Variants in ZNF618 observed in about 807,000 individuals in gnomAD.
The protein encoded by ZNF618 is zinc finger protein 618, also known as neural precursor cell expressed, developmentally down-regulated 10.
Under a neutral mutation model 103.0 loss-of-function variants are expected in ZNF618, and 34 were observed. That is an observed-to-expected ratio of 0.33 (90% CI 0.25 to 0.44). ZNF618 has a LOEUF of 0.44. Ranked by LOEUF, ZNF618 falls within the 20% of genes least tolerant of loss-of-function variation. ZNF618 has a pLI of 1.00. For synonymous variants in ZNF618, 551 were observed against 542.2 expected (o/e 1.02, Z -0.23); for missense variants, 1,059 against 1,295.4 (o/e 0.82, Z 2.80).
chr9:113,983,491 G>A (rs1405441957), intron 2 of ZNF618, among the ~76,000 whole-genome samples: 1 of 152,196 alleles, frequency 6.6e-6, no homozygotes, highest in Non-Finnish European at 1.5e-5. Context: ...TGTTGTGCCC[G>A]TGGGTGATAG....
chr9:113,980,007 G>A (rs191791601), intron 2 of ZNF618, among the ~76,000 whole-genome samples: 188 of 152,244 alleles, frequency 1.2e-3, no homozygotes, highest in African/African-American at 4.0e-3. Context: ...CTGAAGTGGT[G>A]GTCGTGGTAT....
intron 10 of ZNF618, among the ~76,000 whole-genome samples, chr9:114,022,067 C>CATATGTTCATTGTACATGTACAATGTAA (rs1564310080): frequency 6.6e-6 from 1 of 152,026 alleles, no homozygotes; most frequent in Middle Eastern, 3.2e-3. Context: ...CATTTGTGTA[C>CATATGTTCATTGTACATGTACAATGTAA]AAGCCTTTGT....
Position 114,054,933 on chromosome 9 carries a change from T to G in ZNF618, c.*4766T>G, listed in dbSNP as rs1429160683. The G allele has an allele frequency of 7.7e-6, 1 of 130,462 alleles. No homozygotes were observed. The highest frequency in any genetic ancestry group is 1.6e-5 in the Non-Finnish European group (1 of 61,414). 8.1% of individuals were successfully genotyped at this position (130,462 alleles called of 1,614,324 possible). On this transcript the variant is annotated 3_prime_UTR_variant, in exon 15 of 15. Coordinates refer to ENST00000374126, the MANE Select transcript of ZNF618 (RefSeq NM_001318042.2). Reference sequence around the variant, plus strand: ...TTTGACATATTCATGCCCCGTCCCTTCCCCCCCCACCCCCCCGCCCACCCA... The same window carrying G: ...TTTGACATATTCATGCCCCGTCCCTGCCCCCCCCACCCCCCCGCCCACCCA...
intron 10 of ZNF618, among the ~76,000 whole-genome samples, chr9:114,022,222 A>C (rs567071812): frequency 6.6e-6 from 1 of 151,816 alleles, no homozygotes; most frequent in African/African-American, 2.4e-5. Context: ...CAGCAGTACA[A>C]TTTTCTTTTC....
chr9:113,888,423 A>T (rs1829280899), intron 1 of ZNF618, among the ~76,000 whole-genome samples: 1 of 152,240 alleles, frequency 6.6e-6, no homozygotes. Context: ...TTCCATGCTC[A>T]CAAAGCCTTT....
intron 1 of ZNF618, among the ~76,000 whole-genome samples, chr9:113,964,004 A>G (rs1837111459): frequency 6.6e-6 from 1 of 152,354 alleles, no homozygotes; most frequent in South Asian, 2.1e-4. Flanking sequence ...GAGCCATTCA[A>G]TTCTCTAGAG....
At chr9:114,012,495 T>TA (rs1416044940) in intron 9 of ZNF618, among the ~76,000 whole-genome samples, 1 of 152,158 alleles carries the variant, frequency 6.6e-6, no homozygotes, top group Non-Finnish European at 1.5e-5. Flanking sequence ...CATTAGGAGT[T>TA]AGAGTTTCAA....
intron 13 of ZNF618, among the ~76,000 whole-genome samples, chr9:114,038,330 A>G (rs1231765872): frequency 6.6e-6 from 1 of 152,180 alleles, no homozygotes; most frequent in African/African-American, 2.4e-5. Context: ...CTGAGCTTTG[A>G]GGTGGCCCCA....
intron 1 of ZNF618, among the ~76,000 whole-genome samples, chr9:113,940,723 G>C (rs1017527625): frequency 6.6e-6 from 1 of 152,062 alleles, no homozygotes; most frequent in African/African-American, 2.4e-5. Flanking sequence ...CTCACAAGTA[G>C]TTGCAAGTAC....
rs1339186205 is a variant in ZNF618 at position 114,028,818 on chromosome 9, C to T, written c.930C>T (p.Phe310=). The T allele has an allele frequency of 4.1e-5, 64 of 1,550,632 alleles. No individual in the cohort carries two copies. Among genetic ancestry groups the T allele is most frequent in the Middle Eastern group, 1.7e-4 (1 of 5,990 alleles). Residue 310 remains phenylalanine, a synonymous_variant, in exon 11 of 15, where the codon TTC becomes TTT. Coordinates refer to ENST00000374126, the MANE Select transcript of ZNF618 (RefSeq NM_001318042.2). ...SHPEVSPSPR[F]VAAKTQTNQS... ...CAGAGGTCTCCCCATCTCCACGCTT[C>T]GTGGCAGCGAAGACCCAGACGAACC...
intron 13 of ZNF618, among the ~76,000 whole-genome samples, chr9:114,044,293 G>C (rs1263730938): frequency 6.6e-6 from 1 of 152,100 alleles, no homozygotes; most frequent in African/African-American, 2.4e-5. Context: ...ACCATTTGTT[G>C]AATAGGGTGT....
At chr9:113,996,655 G>A (rs150932114) in intron 3 of ZNF618, among the ~76,000 whole-genome samples, 132 of 152,302 alleles carry the variant, frequency 8.7e-4, no homozygotes, top group African/African-American at 3.1e-3. Context: ...TGCATCACTT[G>A]TGATAGCAGG....
chr9:113,888,510 C>T (rs1055797129), intron 1 of ZNF618, among the ~76,000 whole-genome samples: 4 of 152,240 alleles, frequency 2.6e-5, no homozygotes, highest in South Asian at 2.1e-4. Flanking sequence ...CGGGGCCTCC[C>T]GGATTCAGAA....
chr9:113,913,602 T>C (rs1280946740), intron 1 of ZNF618, among the ~76,000 whole-genome samples: 1 of 152,242 alleles, frequency 6.6e-6, no homozygotes, highest in African/African-American at 2.4e-5. Flanking sequence ...TTCATACTTT[T>C]CAGCAGTTTA....
intron 1 of ZNF618, 145 bp from the exon 2 acceptor site, chr9:113,968,972 G>C: frequency 1.1e-6 from 1 of 904,706 alleles, no homozygotes; most frequent in East Asian, 2.4e-5. Context: ...AGTTTGTCCA[G>C]CCTGGAGGAG....
intron 1 of ZNF618, among the ~76,000 whole-genome samples, chr9:113,931,596 A>C (rs1833593943): frequency 6.6e-6 from 1 of 152,124 alleles, no homozygotes; most frequent in Non-Finnish European, 1.5e-5. Flanking sequence ...CACGTTTTAG[A>C]TTTGGGCTGA....
intron 1 of ZNF618, among the ~76,000 whole-genome samples, chr9:113,962,997 G>A (rs1837008870): frequency 1.3e-5 from 2 of 152,246 alleles, no homozygotes; most frequent in African/African-American, 2.4e-5. Flanking sequence ...GGATGAATGA[G>A]TGAATTTTCC....
At chr9:114,029,239 A>AT (rs998139282) in intron 11 of ZNF618, among the ~76,000 whole-genome samples, 4 of 151,850 alleles carry the variant, frequency 2.6e-5, no homozygotes, top group Admixed American at 6.6e-5. Context: ...GTAGTAGAAT[A>AT]TTTTTTCCCA....
intron 1 of ZNF618, among the ~76,000 whole-genome samples, chr9:113,898,437 C>CA (rs771877141): frequency 1.7e-5 from 2 of 118,106 alleles, no homozygotes; most frequent in African/African-American, 3.1e-5. Flanking sequence ...TCAGATTTTT[C>CA]GTTTTTTTTT....
Sources: allele counts gnomAD v4.1 joint callset (sites outside exome capture counted in the v4.1 genomes callset), GRCh38; gene constraint gnomAD v4.1.1; transcripts MANE v1.5; gene names NCBI Gene and HGNC (gene_info 2026-07-23, HGNC 2026-07-21).